Variants in MCM3 observed in about 807,000 individuals in gnomAD.
MCM3 encodes minichromosome maintenance complex component 3, also known as DNA replication licensing factor MCM3.
MCM3 carries 59 observed loss-of-function variants against 91.3 expected under a neutral mutation model. That is an observed-to-expected ratio of 0.65 (90% CI 0.52 to 0.80). The LOEUF is 0.80. MCM3 is among the 30% of genes least tolerant of loss of function. The pLI, the probability that MCM3 is intolerant of heterozygous loss-of-function variation, is 0.00. For synonymous variants in MCM3, 383 were observed against 379.6 expected (o/e 1.01, Z -0.10); for missense variants, 919 against 1,035.4 (o/e 0.89, Z 1.54).
chr6:52,273,344 C>T lies in MCM3; in HGVS notation c.1562G>A (p.Gly521Asp), dbSNP rs1340137122. 3.1e-6 allele frequency: 5 copies of T among 1,614,094 alleles called. No homozygotes were observed. The South Asian group carries it at 5.5e-5, about 18-fold the overall frequency. The change falls in exon 11 of 17, where the codon GGT becomes GAT. Residue 521 changes from glycine to aspartate, a missense_variant. This residue lies in a region of MCM3 where 233 missense variants were observed against 321.2 expected (regional missense o/e 0.73). Transcript: ENST00000596288. ...GEQDGDAMPL[G>D]SAVDILATDD... The stretch of plus-strand genomic sequence containing the variant: ...TGTGGCCAGGATATCCACAGCACTA[C>T]CCAAGGGCATAGCTGGTATACCCAA...
At chr6:52,274,044 G>T in intron 9 of MCM3, 128 bp from the exon 10 acceptor site, 1 of 662,884 alleles carries the variant, frequency 1.5e-6, no homozygotes, top group Non-Finnish European at 2.5e-6. Flanking sequence ...AAAAAGCAGT[G>T]AAAAAGGGAA....
chr6:52,280,139 A>G lies in MCM3; in HGVS notation c.532-540T>C, dbSNP rs182071484. 2.6e-5 allele frequency among the ~76,000 whole-genome samples: 4 copies of G among 152,360 alleles called. No individual in the cohort carries two copies. In the East Asian group the frequency reaches 7.7e-4, roughly 29 times the overall value. On this transcript the variant is annotated intron_variant, in intron 4 of 16. Transcript: ENST00000596288. The stretch of plus-strand genomic sequence containing the variant: ...AAAAAGCCCATAAGTATTTAAATAA[A>G]AAACAGCTGAAAGTAATCCATACTG...
chr6:52,272,112 T>C lies in MCM3; in HGVS notation c.1827+189A>G, dbSNP rs10456659. Among the ~76,000 whole-genome samples the C allele has an allele frequency of 3.9e-3, 589 of 152,336 alleles. 4 individuals are homozygous for C. Among genetic ancestry groups the C allele is most frequent in the Middle Eastern group, 0.01 (3 of 294 alleles). On this transcript the variant is annotated intron_variant, in intron 12 of 16. Transcript: ENST00000596288. ...ATGTCATTTTAACTAATAAGAGACA[T>C]GTTATCTCTGGGGTCCTTATTTCAT... is the stretch of plus-strand genomic sequence containing the variant.
Position 52,282,940 on chromosome 6 carries a change from A to T in MCM3, c.192-79T>A, listed in dbSNP as rs535955615. 131 of 995,264 alleles carry T rather than the reference A, an allele frequency of 1.3e-4. No individual in the cohort carries two copies. The South Asian group carries it at 1.8e-3, about 14-fold the overall frequency. The allele number at this position is 995,264 out of a possible 1,614,324, so 61.7% of individuals were successfully genotyped here. The stretch of plus-strand genomic sequence containing the variant: ...GATCCTCAAAACAGCAGACATTCTT[A>T]GATCATTAAAAACAATGAGAAAATC... On this transcript the variant is annotated intron_variant, in intron 2 of 16. Coordinates refer to ENST00000596288, the MANE Select transcript of MCM3 (RefSeq NM_002388.6).
rs779381524 is a variant in MCM3, at chr6:52,279,571, T to G, written c.560A>C (p.Glu187Ala). The part of the protein sequence containing the change: ...KDEENNPLET[E>A]YGLSVYKDHQ... ...ATCCTTGTAGACAGAAAGGCCATAT[T>G]CTGTCTCAAGGGGATTGTTCTCCTC... The change falls in exon 5 of 17, where the codon GAA becomes GCA. Residue 187 changes from glutamate (E) to alanine (A), a missense_variant. By Grantham distance (107) the Glu-to-Ala change is moderately radical. Around this residue, in one of 3 missense-constraint regions of MCM3, gnomAD observed 401 missense variants for 402.7 expected, o/e 1.00. Coordinates refer to ENST00000596288, the MANE Select transcript of MCM3 (RefSeq NM_002388.6). The G allele has an allele frequency of 6.2e-7, 1 of 1,614,050 alleles. No homozygotes were observed. Among genetic ancestry groups the G allele is most frequent in the Non-Finnish European group, 8.5e-7 (1 of 1,179,982 alleles).
intron 4 of MCM3, 140 bp downstream of exon 4, chr6:52,281,905 A>G: frequency 1.4e-6 from 1 of 714,112 alleles, no homozygotes; most frequent in Non-Finnish European, 2.1e-6. Flanking sequence ...TCTGGCCTGC[A>G]ATCAATCTTT....
chr6:52,273,400 A>C, intron 10 of MCM3, 44 bp from the exon 11 acceptor site: 1 of 1,602,898 alleles, frequency 6.2e-7, no homozygotes, highest in Non-Finnish European at 8.5e-7. Context: ...TAAAGAGTTT[A>C]ACCCAGGGGA....
intron 7 of MCM3, 139 bp from the exon 8 acceptor site, chr6:52,277,337 A>C (rs544908644): frequency 4.0e-6 from 4 of 997,304 alleles, no homozygotes; most frequent in Non-Finnish European, 5.8e-6. Context: ...TTTTCCCTTC[A>C]CCACTCACGG....
intron 4 of MCM3, among the ~76,000 whole-genome samples, chr6:52,281,691 GA>G (rs1766111759): frequency 6.6e-6 from 1 of 151,694 alleles, no homozygotes; most frequent in Non-Finnish European, 1.5e-5. Flanking sequence ...AAAAAAATAA[GA>G]ATTGTGAAGC....
chr6:52,276,153 C>T (rs1237395082), intron 9 of MCM3, 115 bp downstream of exon 9: 5 of 930,188 alleles, frequency 5.4e-6, no homozygotes, highest in Non-Finnish European at 8.1e-6. Context: ...AATGGCCTTA[C>T]TTTTAGTCTT....
At chr6:52,279,284 G>A (rs1239012498) in intron 5 of MCM3, 77 bp downstream of exon 5, 6 of 1,297,172 alleles carry the variant, frequency 4.6e-6, no homozygotes, top group East Asian at 2.3e-5. Context: ...TCTGGAATAT[G>A]GCAAACTGGA....
At position 52,278,671 on chromosome 6, in the gene MCM3, A is replaced by T. The variant is rs17246331; in HGVS notation, c.879+71T>A. On this transcript the variant is annotated intron_variant, in intron 6 of 16. Transcript: ENST00000596288. ...ACCCTTCCTTCTGATCTAGTACAAAAATAGCCATGCACCAAAACACAACTC... is the reference window on the plus strand; with the variant it reads ...ACCCTTCCTTCTGATCTAGTACAAATATAGCCATGCACCAAAACACAACTC... 3,788 of 1,018,062 alleles carry T rather than the reference A, an allele frequency of 3.7e-3. 93 individuals carry two copies. The African/African-American group carries it at 0.055, about 15-fold the overall frequency. 63.1% of individuals were successfully genotyped at this position (1,018,062 alleles called of 1,614,324 possible). A position where few individuals can be genotyped will look rare whatever the true frequency, so the allele number is the denominator to read the frequency against.
At chr6:52,274,928 T>C (rs1023268511) in intron 9 of MCM3, among the ~76,000 whole-genome samples, 14 of 152,108 alleles carry the variant, frequency 9.2e-5, no homozygotes, top group Admixed American at 9.2e-4. Flanking sequence ...TATCATTTAT[T>C]TTATTTTATT....
chr6:52,279,872 C>T (rs1234243121), intron 4 of MCM3, among the ~76,000 whole-genome samples: 1 of 152,214 alleles, frequency 6.6e-6, no homozygotes, highest in African/African-American at 2.4e-5. Flanking sequence ...TGCTTACATT[C>T]TGAAGCAGTT....
At chr6:52,283,273 G>A (rs561455093) in intron 2 of MCM3, 21 bp downstream of exon 2, 1 of 1,592,356 alleles carries the variant, frequency 6.3e-7, no homozygotes, top group Admixed American at 1.7e-5. Flanking sequence ...CTGACAGCCA[G>A]TATATCCCCT....
Position 52,272,442 on chromosome 6 carries a change from C to G in MCM3, c.1686G>C (p.Met562Ile), listed in dbSNP as rs771821072. ...ACTTCTTCATGAATGCTGCACTCAC[C>G]ATCTTCTCCCTGGAGCCACACACAG... ...LHGTKKKKEK[M>I]VSAAFMKKYI... Residue 562 changes from methionine to isoleucine, a missense_variant, in exon 12 of 17, where the codon ATG (methionine) becomes ATC (isoleucine). Physicochemically the swap from Met to Ile is conservative, Grantham distance 10 (BLOSUM62 1). Transcript: ENST00000596288. The G allele has an allele frequency of 8.1e-6, 13 of 1,614,114 alleles. No homozygotes were observed. The East Asian group carries it at 2.5e-4, about 30-fold the overall frequency.
Position 52,277,614 on chromosome 6 carries a change from G to A in MCM3, c.954C>T (p.Leu318=), listed in dbSNP as rs1411792033. 1 of 1,613,838 alleles carries A rather than the reference G, an allele frequency of 6.2e-7. No homozygotes were observed. The highest frequency in any genetic ancestry group is 8.5e-7 in the Non-Finnish European group (1 of 1,179,874). ...GTTCCACCCCTCCCAAGAGCAAGCA[G>A]AGGATTGCTTTCTTGACATAGTCAT... ...HGHDYVKKAI[L]CLLLGGVERD... is the part of the protein sequence containing the mutation. The change falls in exon 7 of 17, where the codon CTC becomes CTT. Residue 318 remains leucine (L), a synonymous_variant. Coordinates refer to ENST00000596288, the MANE Select transcript of MCM3 (RefSeq NM_002388.6).
chr6:52,282,293 GAT>G, intron 3 of MCM3, 118 bp from the exon 4 acceptor site: 1 of 890,180 alleles, frequency 1.1e-6, no homozygotes, highest in Non-Finnish European at 1.8e-6. Context: ...ACTAGGTTAC[GAT>G]ATTTCAATAT....
At chr6:52,275,259 G>C (rs1396022198) in intron 9 of MCM3, among the ~76,000 whole-genome samples, 1 of 152,186 alleles carries the variant, frequency 6.6e-6, no homozygotes, top group Non-Finnish European at 1.5e-5. Flanking sequence ...CATACACTGT[G>C]GGATTGATTA....
Sources: gnomAD v4.1 joint callset for allele counts (sites outside exome capture counted in the v4.1 genomes callset) on GRCh38, gnomAD v4.1.1 for gene constraint, gnomAD v4.1.1 regional missense constraint, MANE v1.5 for transcripts, NCBI Gene and HGNC (gene_info 2026-07-23, HGNC 2026-07-21) for gene names.